The following SEMA4D variants were observed in gnomAD, a reference collection of about 807,000 sequenced individuals.
SEMA4D encodes the protein semaphorin-4D.
SEMA4D carries 22 observed loss-of-function variants against 74.8 expected under a neutral mutation model. The ratio of observed to expected loss-of-function variants is 0.29; its 90% CI spans 0.21 to 0.42. The LOEUF (loss-of-function observed/expected upper bound fraction) is 0.42, where lower values mean the gene tolerates loss of function less well. Ranked by LOEUF, SEMA4D falls within the 10% of genes least tolerant of loss-of-function variation. SEMA4D has a pLI of 1.00. For synonymous variants in SEMA4D, 445 were observed against 463.7 expected (o/e 0.96, Z 0.52); for missense variants, 937 against 1,118.4 (o/e 0.84, Z 2.31).
chr9:89,445,827 T>C (rs762090974), intron 2 of SEMA4D, among the ~76,000 whole-genome samples: 3 of 151,970 alleles, frequency 2.0e-5, no homozygotes, highest in Admixed American at 6.6e-5. Context: ...ACCTTCTACT[T>C]TGCACGCCAT....
chr9:89,422,352 C>T (rs932793347), intron 2 of SEMA4D, among the ~76,000 whole-genome samples: 2 of 152,244 alleles, frequency 1.3e-5, no homozygotes, highest in Non-Finnish European at 1.5e-5. Flanking sequence ...ACCCCCAGCC[C>T]CTGCTTTCTG....
At chr9:89,447,420 G>A (rs1034953242) in intron 2 of SEMA4D, among the ~76,000 whole-genome samples, 3 of 151,842 alleles carry the variant, frequency 2.0e-5, no homozygotes, top group Non-Finnish European at 2.9e-5. Context: ...AGATGCCTCC[G>A]AGACAGCCCA....
At chr9:89,427,878 C>T (rs1260522956) in intron 2 of SEMA4D, among the ~76,000 whole-genome samples, 1 of 152,170 alleles carries the variant, frequency 6.6e-6, no homozygotes, top group Non-Finnish European at 1.5e-5. Flanking sequence ...GCCCCCCACA[C>T]AGTCACCTTC....
chr9:89,393,530 C>T, intron 7 of SEMA4D, 32 bp downstream of exon 7: 1 of 1,541,146 alleles, frequency 6.5e-7, no homozygotes, highest in African/African-American at 1.4e-5. Flanking sequence ...CTGTAATCTT[C>T]ACGGTGAAGG....
At chr9:89,422,097 A>C (rs74549767) in intron 2 of SEMA4D, among the ~76,000 whole-genome samples, 10,924 of 152,334 alleles carry the variant, frequency 0.072, 439 homozygotes, top group Middle Eastern at 0.1. Context: ...ATCTCTAAAA[A>C]GGTTACACAG....
rs536323616 is a variant in SEMA4D at position 89,363,316 on chromosome 9, G to C, written c.2190+114C>G. ...ATAAAGGAAACTGCTCCGGGGCTAA[G>C]AGGGAACAAGTGGGGTCCATGCTGA... On this transcript the variant is annotated intron_variant, in intron 18 of 18. Coordinates refer to the SEMA4D transcript ENST00000339861. 2.5e-5 allele frequency: 37 copies of C among 1,468,012 alleles called. No individual in the cohort carries two copies. The African/African-American group carries it at 5.1e-4, about 20-fold the overall frequency. 90.9% of individuals were successfully genotyped at this position (1,468,012 alleles called of 1,614,324 possible).
At chr9:89,449,625 TG>T (rs1474464549) in intron 2 of SEMA4D, 31 of 1,205,308 alleles carry the variant, frequency 2.6e-5, no homozygotes, top group Middle Eastern at 2.7e-4. Flanking sequence ...AACTATAAGA[TG>T]GGGGGGTGAC....
intron 16 of SEMA4D, among the ~76,000 whole-genome samples, chr9:89,370,603 TATGTGTGTCTGGG>T (rs1208831558): frequency 6.7e-6 from 1 of 149,230 alleles, no homozygotes; most frequent in Non-Finnish European, 1.5e-5. Flanking sequence ...GTGTGTGTGG[TATGTGTGTCTGGG>T]ATGTGTGTGG....
At position 89,387,248 on chromosome 9, in the gene SEMA4D, C is replaced by T. The variant is rs564164927; in HGVS notation, c.1330+138G>A. 184 of 674,558 alleles carry T rather than the reference C, an allele frequency of 2.7e-4. 1 individual carries two copies. In the African/African-American group the frequency reaches 2.8e-3, roughly 10 times the overall value. The allele number at this position is 674,558 out of a possible 1,614,324, so 41.8% of individuals were successfully genotyped here. ...TGGTGACTTCTCAGAAATCTTCTTA[C>T]GCTCCCACAAACCTCCCAGGTCACC... On this transcript the variant is annotated intron_variant, in intron 12 of 15. Transcript: ENST00000422704.
At chr9:89,365,563 C>A (rs1271684978) in intron 16 of SEMA4D, 1 of 152,272 alleles carries the variant, frequency 6.6e-6, no homozygotes, top group East Asian at 1.9e-4. Context: ...AGATGTCCAT[C>A]AACCTCACAA....
intron 7 of SEMA4D, among the ~76,000 whole-genome samples, chr9:89,393,280 T>G (rs1268128427): frequency 1.3e-5 from 2 of 152,194 alleles, no homozygotes; most frequent in Non-Finnish European, 2.9e-5. Flanking sequence ...GTCAAAACCT[T>G]ACTCTCAAAC....
chr9:89,363,222 G>A (rs1433582658), intron 18 of SEMA4D, among the ~76,000 whole-genome samples: 1 of 152,206 alleles, frequency 6.6e-6, no homozygotes, highest in African/African-American at 2.4e-5. Context: ...GCTGGGGCCA[G>A]ATGCCCCTTG....
intron 2 of SEMA4D, among the ~76,000 whole-genome samples, chr9:89,415,822 C>T (rs28760275): frequency 0.064 from 9,799 of 152,266 alleles, 676 homozygotes; most frequent in African/African-American, 0.17. Flanking sequence ...CAGCACCGGA[C>T]AGAACCCAGC....
intron 16 of SEMA4D, chr9:89,368,259 C>T (rs1342697521): frequency 6.6e-6 from 1 of 152,382 alleles, no homozygotes; most frequent in Non-Finnish European, 1.5e-5. Context: ...GCGGGCACAT[C>T]CCCAGAGGGG....
At chr9:89,364,080 C>T in intron 16 of SEMA4D, 1 of 1,569,752 alleles carries the variant, frequency 6.4e-7, no homozygotes, top group Non-Finnish European at 8.6e-7. Context: ...ACTTCCAATT[C>T]AGTCCCTGGG....
At chr9:89,450,194 C>T in intron 2 of SEMA4D, 1 of 1,289,262 alleles carries the variant, frequency 7.8e-7, no homozygotes, top group Non-Finnish European at 1.1e-6. Context: ...AGAAGAAGGA[C>T]CATGAAAAAG....
In SEMA4D at chr9:89,465,644, T is replaced by TAC. The variant is rs1176630164; in HGVS notation, c.-309-9693_-309-9692dup. On this transcript the variant is annotated intron_variant, in intron 1 of 15. Transcript: ENST00000422704. ...GAATTTCACCTCAAGAAAAAAATAA[T>TAC]ACAGAGTAAAAGAATATTGACATGA... is the stretch of plus-strand genomic sequence containing the variant. Among the ~76,000 whole-genome samples the TAC allele has an allele frequency of 5.9e-5, 9 of 152,312 alleles. No individual in the cohort carries two copies. The South Asian group carries it at 1.9e-3, about 32-fold the overall frequency.
At chr9:89,457,014 G>A (rs1189062346) in intron 1 of SEMA4D, among the ~76,000 whole-genome samples, 1 of 152,210 alleles carries the variant, frequency 6.6e-6, no homozygotes, top group African/African-American at 2.4e-5. Context: ...TGGCCTCCTG[G>A]AGCAGGGAGT....
At chr9:89,422,859 C>G (rs139882312) in intron 2 of SEMA4D, among the ~76,000 whole-genome samples, 19 of 152,308 alleles carry the variant, frequency 1.2e-4, no homozygotes, top group African/African-American at 4.6e-4. Context: ...TTGAAAATCT[C>G]CATTTTGATG....
Sources: allele counts gnomAD v4.1 joint callset (sites outside exome capture counted in the v4.1 genomes callset), GRCh38; gene constraint gnomAD v4.1.1; transcripts MANE v1.5; gene names NCBI Gene and HGNC (gene_info 2026-07-23, HGNC 2026-07-21).